Variants in RABGAP1L observed in about 807,000 individuals in gnomAD.
The protein encoded by RABGAP1L is rab GTPase-activating protein 1-like.
RABGAP1L carries 63 observed loss-of-function variants against 137.7 expected under a neutral mutation model. The ratio of observed to expected loss-of-function variants is 0.46; its 90% CI spans 0.37 to 0.56. The LOEUF (loss-of-function observed/expected upper bound fraction) is 0.56. Among genes scored for constraint, RABGAP1L ranks in the 20% least tolerant of loss-of-function variants. The pLI is 0.00. For synonymous variants in RABGAP1L, 431 were observed against 433.7 expected (o/e 0.99, Z 0.08); for missense variants, 1,095 against 1,244.0 (o/e 0.88, Z 1.80).
chr1:174,900,659 A>G (rs968290802), intron 19 of RABGAP1L, among the ~76,000 whole-genome samples: 4 of 152,170 alleles, frequency 2.6e-5, no homozygotes, highest in African/African-American at 9.7e-5. Flanking sequence ...AGCTGGGATT[A>G]CAGGTGTGAG....
At position 174,371,104 on chromosome 1, in the gene RABGAP1L, A is replaced by G. The variant is rs140616564; in HGVS notation, c.1559+32A>G. ...TTTTATTTTTCATACTGAAAATTCT[A>G]TATTTACATAGTTGATGTTAATTTG... On this transcript the variant is annotated intron_variant, in intron 12 of 25. Coordinates refer to ENST00000681986, the MANE Select transcript of RABGAP1L (RefSeq NM_001366446.1). 1,045 of 1,216,322 alleles carry G rather than the reference A, an allele frequency of 8.6e-4. 6 individuals carry two copies. In the East Asian group the frequency reaches 0.012, roughly 13 times the overall value. The allele number at this position is 1,216,322 out of a possible 1,614,324, so 75.3% of individuals were successfully genotyped here. A position where few individuals can be genotyped will look rare whatever the true frequency, so the allele number is the denominator to read the frequency against.
chr1:174,219,356 A>T, intron 2 of RABGAP1L, 61 bp downstream of exon 2: 1 of 1,212,136 alleles, frequency 8.2e-7, no homozygotes, highest in Non-Finnish European at 1.1e-6. Flanking sequence ...GAAACTTAGG[A>T]GATGTGTAAA....
intron 1 of RABGAP1L, among the ~76,000 whole-genome samples, chr1:174,168,568 C>T (rs887801100): frequency 1.3e-5 from 2 of 152,010 alleles, no homozygotes; most frequent in Non-Finnish European, 2.9e-5. Flanking sequence ...TTGCTGTTGT[C>T]TGCGCAAAGA....
chr1:174,241,414 C>A (rs1671815285), intron 4 of RABGAP1L, 69 bp from the exon 5 acceptor site: 11 of 1,065,760 alleles, frequency 1.0e-5, no homozygotes, highest in South Asian at 8.1e-5. Context: ...AAAAAAAAAC[C>A]TAACTGGAAA....
At chr1:174,562,987 A>G (rs1362361440) in intron 13 of RABGAP1L, among the ~76,000 whole-genome samples, 1 of 152,068 alleles carries the variant, frequency 6.6e-6, no homozygotes, top group Non-Finnish European at 1.5e-5. Flanking sequence ...CATGTACTCC[A>G]GAACTTAAAG....
chr1:174,521,732 A>G (rs1037226214), intron 13 of RABGAP1L, among the ~76,000 whole-genome samples: 1 of 152,212 alleles, frequency 6.6e-6, no homozygotes, highest in Non-Finnish European at 1.5e-5. Flanking sequence ...TGATGTATAT[A>G]TCAGCATCTT....
At chr1:174,975,214 C>T (rs577502867) in intron 21 of RABGAP1L, among the ~76,000 whole-genome samples, 2 of 152,312 alleles carry the variant, frequency 1.3e-5, no homozygotes, top group South Asian at 4.1e-4. Context: ...GAGCTTAAAG[C>T]CTAGTGGGCA....
At chr1:174,951,206 A>G (rs1247271780) in intron 19 of RABGAP1L, among the ~76,000 whole-genome samples, 2 of 152,186 alleles carry the variant, frequency 1.3e-5, no homozygotes, top group Non-Finnish European at 2.9e-5. Flanking sequence ...CTAGACACAT[A>G]TTTGGCACTA....
chr1:174,897,081 G>A (rs1054633696), intron 19 of RABGAP1L: 4 of 152,192 alleles, frequency 2.6e-5, no homozygotes, highest in Admixed American at 2.6e-4. Context: ...AGCATGGAAT[G>A]TTCTTCCATT....
At chr1:174,281,785 GTT>G (rs938332624) in intron 10 of RABGAP1L, among the ~76,000 whole-genome samples, 1 of 152,146 alleles carries the variant, frequency 6.6e-6, no homozygotes, top group African/African-American at 2.4e-5. Flanking sequence ...ATTTTGATGA[GTT>G]TTGACAAATT....
At chr1:174,227,992 C>A (rs1670331069) in intron 3 of RABGAP1L, among the ~76,000 whole-genome samples, 1 of 151,890 alleles carries the variant, frequency 6.6e-6, no homozygotes, top group African/African-American at 2.4e-5. Flanking sequence ...CTTTAACATT[C>A]CTCTTCTGCA....
intron 13 of RABGAP1L, among the ~76,000 whole-genome samples, chr1:174,497,790 C>G (rs1660880768): frequency 6.6e-6 from 1 of 152,140 alleles, no homozygotes; most frequent in African/African-American, 2.4e-5. Flanking sequence ...TCCAAGAACC[C>G]TGTGTAGGTT....
At chr1:174,280,342 A>G (rs906522637) in intron 10 of RABGAP1L, among the ~76,000 whole-genome samples, 1 of 152,236 alleles carries the variant, frequency 6.6e-6, no homozygotes, top group African/African-American at 2.4e-5. Context: ...ATCTGGGTCC[A>G]GGCCATTACT....
intron 11 of RABGAP1L, among the ~76,000 whole-genome samples, chr1:174,345,056 T>C (rs1682315761): frequency 6.6e-6 from 1 of 152,222 alleles, no homozygotes; most frequent in Non-Finnish European, 1.5e-5. Context: ...CTTTCTTCAA[T>C]GTATGTTCTT....
chr1:174,638,905 A>T (rs1266135147), intron 14 of RABGAP1L, among the ~76,000 whole-genome samples: 1 of 105,884 alleles, frequency 9.4e-6, no homozygotes, highest in Non-Finnish European at 1.9e-5. Flanking sequence ...GGGAGGGGGG[A>T]GGGATAGCAT....
chr1:174,232,456 G>A (rs1670747724), intron 4 of RABGAP1L, among the ~76,000 whole-genome samples: 1 of 150,528 alleles, frequency 6.6e-6, no homozygotes, highest in South Asian at 2.1e-4. Flanking sequence ...CTGCACTCCA[G>A]TCTGGGTGAC....
In RABGAP1L at chr1:174,819,926, G is replaced by A. The variant is rs189719373; in HGVS notation, c.2340+7966G>A. ...GAGGGAATAGGCAAGGGAAGGATGG[G>A]GAAAATGGTGAATGTGTAGTTTGGT... is the stretch of plus-strand genomic sequence containing the variant. On this transcript the variant is annotated intron_variant, in intron 19 of 25. Coordinates refer to ENST00000681986, the MANE Select transcript of RABGAP1L (RefSeq NM_001366446.1). Among the ~76,000 whole-genome samples the A allele has an allele frequency of 2.9e-3, 440 of 152,112 alleles. 2 individuals are homozygous for A. The highest frequency in any genetic ancestry group is 0.01 in the African/African-American group (420 of 41,478).
Position 174,275,952 on chromosome 1 carries a change from G to C in RABGAP1L, c.1156+17G>C. The stretch of plus-strand genomic sequence containing the variant: ...CCCCAAAAGGTGACTTTTCTTAAAA[G>C]ATCCCTTATTGTTTGCTTTACATTT... On this transcript the variant is annotated intron_variant, in intron 9 of 25. Coordinates refer to ENST00000681986, the MANE Select transcript of RABGAP1L (RefSeq NM_001366446.1). 1 of 1,584,276 alleles carries C rather than the reference G, an allele frequency of 6.3e-7. No individual in the cohort carries two copies. Among genetic ancestry groups the C allele is most frequent in the South Asian group, 1.1e-5 (1 of 89,340 alleles).
chr1:174,637,677 T>G (rs2148343267), intron 14 of RABGAP1L, among the ~76,000 whole-genome samples, 189 bp downstream of exon 14: 1 of 152,304 alleles, frequency 6.6e-6, no homozygotes, highest in South Asian at 2.1e-4. Context: ...GTTTCGTGCC[T>G]CCTCATGAGG....
Sources: gnomAD v4.1 joint callset for allele counts (sites outside exome capture counted in the v4.1 genomes callset) on GRCh38, gnomAD v4.1.1 for gene constraint, MANE v1.5 for transcripts, NCBI Gene and HGNC (gene_info 2026-07-23, HGNC 2026-07-21) for gene names.